The following ARHGAP42 variants were observed in gnomAD, a reference collection of about 807,000 sequenced individuals.
ARHGAP42 encodes rho GTPase-activating protein 42.
Under a neutral mutation model 125.0 loss-of-function variants are expected in ARHGAP42, and 63 were observed. The observed-to-expected ratio is 0.50, with a 90% CI of 0.41 to 0.62. The LOEUF is 0.62. ARHGAP42 is among the 20% of genes least tolerant of loss of function. The pLI is 0.00. For synonymous variants in ARHGAP42, 339 were observed against 351.0 expected, an observed-to-expected ratio of 0.97 and a Z score of 0.38; for missense variants, 766 against 1,024.2, an observed-to-expected ratio of 0.75 and a Z score of 3.44.
intron 1 of ARHGAP42, among the ~76,000 whole-genome samples, chr11:100,728,751 T>C (rs1289562495): frequency 8.2e-6 from 1 of 121,764 alleles, no homozygotes; most frequent in Non-Finnish European, 1.8e-5. Flanking sequence ...TATATATATA[T>C]ATATATGCAC....
intron 13 of ARHGAP42, 101 bp downstream of exon 13, chr11:100,960,046 A>C: frequency 9.5e-7 from 1 of 1,058,098 alleles, no homozygotes. Flanking sequence ...TTTGGTCATT[A>C]ACATGGATTA....
intron 4 of ARHGAP42, among the ~76,000 whole-genome samples, chr11:100,897,237 CTA>C (rs1390391760): frequency 6.6e-6 from 1 of 152,190 alleles, no homozygotes. Flanking sequence ...ATTTTGGTTA[CTA>C]TAACGTTGTA....
intron 1 of ARHGAP42, 112 bp from the exon 2 acceptor site, chr11:100,770,231 G>A: frequency 4.1e-6 from 3 of 735,816 alleles, no homozygotes; most frequent in Non-Finnish European, 6.5e-6. Context: ...GGTATTAAAG[G>A]ATTCTGGTTC....
chr11:100,899,714 TGTG>T, intron 4 of ARHGAP42, among the ~76,000 whole-genome samples: 1 of 82,462 alleles, frequency 1.2e-5, no homozygotes, highest in African/African-American at 7.7e-5. Context: ...TGTTTTGTTT[TGTG>T]TTTTGTTTTT....
intron 2 of ARHGAP42, among the ~76,000 whole-genome samples, chr11:100,787,000 G>A (rs558146715): frequency 1.3e-5 from 2 of 152,142 alleles, no homozygotes; most frequent in South Asian, 4.2e-4. Flanking sequence ...CAGTTTCGCT[G>A]GGTGTGGTGG....
chr11:100,755,623 G>A (rs999228124), intron 1 of ARHGAP42, among the ~76,000 whole-genome samples: 1 of 152,148 alleles, frequency 6.6e-6, no homozygotes, highest in Admixed American at 6.5e-5. Context: ...TCAGCTCATT[G>A]TCTTCTTTGA....
intron 3 of ARHGAP42, among the ~76,000 whole-genome samples, chr11:100,804,452 G>A (rs1023268242): frequency 6.6e-6 from 1 of 151,484 alleles, no homozygotes; most frequent in African/African-American, 2.4e-5. Flanking sequence ...TAAGGCCTCT[G>A]TTTTTCTTTC....
chr11:100,882,510 T>C (rs11605292), intron 4 of ARHGAP42, among the ~76,000 whole-genome samples: 15,784 of 151,958 alleles, frequency 0.1, 838 homozygotes, highest in African/African-American at 0.12. Flanking sequence ...TTTTTTTTTT[T>C]TTTAACAATT....
intron 12 of ARHGAP42, among the ~76,000 whole-genome samples, chr11:100,956,524 C>T (rs1565293508): frequency 6.6e-6 from 1 of 152,130 alleles, no homozygotes; most frequent in Admixed American, 6.6e-5. Context: ...GGTAAAGACA[C>T]ATGTCACTTC....
intron 4 of ARHGAP42, among the ~76,000 whole-genome samples, chr11:100,873,628 A>C (rs1338356341): frequency 3.3e-5 from 5 of 152,254 alleles, no homozygotes; most frequent in Non-Finnish European, 7.3e-5. Context: ...AGATCAGGAT[A>C]TATATAATTG....
intron 1 of ARHGAP42, among the ~76,000 whole-genome samples, chr11:100,700,511 T>G (rs774290859): frequency 6.6e-6 from 1 of 152,236 alleles, no homozygotes. Context: ...CAAACCCTGA[T>G]GCTGATTTTT....
At chr11:100,946,259 C>T (rs1479710225) in intron 10 of ARHGAP42, among the ~76,000 whole-genome samples, 1 of 152,088 alleles carries the variant, frequency 6.6e-6, no homozygotes, top group Non-Finnish European at 1.5e-5. Flanking sequence ...AATGTTATGG[C>T]TGGTTTGATC....
intron 4 of ARHGAP42, among the ~76,000 whole-genome samples, chr11:100,873,004 C>T (rs574423610): frequency 6.6e-6 from 1 of 152,268 alleles, no homozygotes; most frequent in Admixed American, 6.5e-5. Context: ...ATTTTTCAAG[C>T]ACAGTGGGAG....
rs1288048289 is a variant in ARHGAP42 at position 100,936,234 on chromosome 11, A to G, written c.734A>G (p.Glu245Gly). 1 of 1,551,798 alleles carries G rather than the reference A, an allele frequency of 6.4e-7. No homozygotes were observed. Among genetic ancestry groups the G allele is most frequent in the South Asian group, 1.2e-5 (1 of 84,060 alleles). The part of the protein sequence containing the change: ...TRNNFESTRQ[E>G]VERLMQRMKS... ...AATAATTTTGAAAGTACTCGACAAGAGGTAGAGCGGTTGATGCAAAGGATG... is the reference window on the plus strand; with the variant it reads ...AATAATTTTGAAAGTACTCGACAAGGGGTAGAGCGGTTGATGCAAAGGATG... The change falls in exon 8 of 24, where the codon GAG becomes GGG. Residue 245 changes from glutamate to glycine, a missense_variant. By Grantham distance (98) the Glu-to-Gly change is moderately conservative. Coordinates refer to ENST00000298815, the MANE Select transcript of ARHGAP42 (RefSeq NM_152432.4).
Position 100,823,356 on chromosome 11 carries a change from A to T in ARHGAP42, c.312+28190A>T, listed in dbSNP as rs1030593363. Among the ~76,000 whole-genome samples, 12 of 152,226 alleles carry T rather than the reference A, an allele frequency of 7.9e-5. No individual in the cohort carries two copies. In the East Asian group the frequency reaches 2.3e-3, roughly 29 times the overall value. On this transcript the variant is annotated intron_variant, in intron 3 of 23. Transcript: ENST00000298815. ...TTTAATCCACCTTCTTTTCCTCAGG[A>T]TGGTGGATCACCTCTTGCTCCAGCA...
At position 100,687,302 on chromosome 11, in the gene ARHGAP42, T is replaced by A. The variant is rs1377571065; in HGVS notation, c.-377T>A. On this transcript the variant is annotated 5_prime_UTR_variant, in exon 1 of 24. Coordinates refer to ENST00000298815, the MANE Select transcript of ARHGAP42 (RefSeq NM_152432.4). ...GCTTCTGGCTCACAACGCCGACGAC[T>A]GTCAAGAGAGTTGGGGAGTGGAACT... Among the ~76,000 whole-genome samples the A allele has an allele frequency of 6.6e-6, 1 of 152,010 alleles. No homozygotes were observed. Among genetic ancestry groups the A allele is most frequent in the Non-Finnish European group, 1.5e-5 (1 of 67,970 alleles).
intron 3 of ARHGAP42, among the ~76,000 whole-genome samples, chr11:100,850,037 T>C (rs1213274136): frequency 6.6e-6 from 1 of 152,188 alleles, no homozygotes; most frequent in African/African-American, 2.4e-5. Flanking sequence ...GTGCTGATCC[T>C]TACCTCATCA....
chr11:100,906,544 AC>A (rs1866742360), intron 4 of ARHGAP42, among the ~76,000 whole-genome samples: 1 of 151,540 alleles, frequency 6.6e-6, no homozygotes, highest in Non-Finnish European at 1.5e-5. Context: ...CATTCATTGT[AC>A]AGTGTACATA....
intron 4 of ARHGAP42, among the ~76,000 whole-genome samples, chr11:100,869,908 C>T (rs1247487938): frequency 6.6e-6 from 1 of 151,994 alleles, no homozygotes; most frequent in Non-Finnish European, 1.5e-5. Context: ...TTGAAGCTTC[C>T]CTCAAAATTG....
Sources: gnomAD v4.1 joint callset for allele counts (sites outside exome capture counted in the v4.1 genomes callset) on GRCh38, gnomAD v4.1.1 for gene constraint, MANE v1.5 for transcripts, NCBI Gene and HGNC (gene_info 2026-07-23, HGNC 2026-07-21) for gene names.